Variants in USP6NL observed in about 807,000 individuals in gnomAD.
The protein encoded by USP6NL is USP6 N-terminal like.
USP6NL carries 26 observed loss-of-function variants against 61.9 expected under a neutral mutation model. The observed-to-expected ratio is 0.42, with a 90% CI of 0.31 to 0.58. The LOEUF is 0.58. Ranked by LOEUF, USP6NL falls within the 20% of genes least tolerant of loss-of-function variation. The probability of loss-of-function intolerance (pLI) is 0.16; values close to 1 mark genes in which losing one functional copy is unlikely to be tolerated. For synonymous variants in USP6NL, 432 were observed against 390.1 expected (o/e 1.11, Z -1.27); for missense variants, 1,114 against 1,034.3 (o/e 1.08, Z -1.06).
chr10:11,475,994 A>G (rs1346375780), intron 14 of USP6NL, among the ~76,000 whole-genome samples: 1 of 152,144 alleles, frequency 6.6e-6, no homozygotes, highest in Non-Finnish European at 1.5e-5. Context: ...ACAACTCCTG[A>G]GTGTGCGACA....
rs1832900145 is a variant in USP6NL, at chr10:11,474,852, G to A, written c.1078+6918C>T. On this transcript the variant is annotated intron_variant, in intron 14 of 14. Transcript: ENST00000609104. This position sits in a 1 kb window ranked among gnomAD's most constrained non-coding sequence, Gnocchi z 4.9. ...ATTACTACTATGTGACTCAAAAGCG[G>A]CCGGGGAGGTGGGATGTGAAGTGTG... Among the ~76,000 whole-genome samples the A allele has an allele frequency of 6.6e-6, 1 of 152,148 alleles. No individual in the cohort carries two copies. Among genetic ancestry groups the A allele is most frequent in the South Asian group, 2.1e-4 (1 of 4,828 alleles).
chr10:11,533,422 G>A (rs1003484838), intron 2 of USP6NL, among the ~76,000 whole-genome samples: 1 of 152,194 alleles, frequency 6.6e-6, no homozygotes, highest in Non-Finnish European at 1.5e-5. Context: ...CCTCATAATT[G>A]CAAAAGTGAT....
chr10:11,594,045 T>C (rs1177863944), intron 2 of USP6NL, among the ~76,000 whole-genome samples: 1 of 152,228 alleles, frequency 6.6e-6, no homozygotes, highest in Non-Finnish European at 1.5e-5. Context: ...TTGGAAATTC[T>C]ATCTAAACTT....
At position 11,462,884 on chromosome 10, in the gene USP6NL, C is replaced by G. The variant is rs765638465; in HGVS notation, c.2044G>C (p.Glu682Gln). The change falls in exon 15 of 15, where the codon GAG (glutamate) becomes CAG (glutamine). Residue 682 changes from glutamate (E) to glutamine (Q), a missense_variant. Coordinates refer to ENST00000609104, the MANE Select transcript of USP6NL (RefSeq NM_014688.5). Reference protein sequence around the residue: ...GSTLSVSASPEKSYSRPSPLV... With the variant: ...GSTLSVSASPQKSYSRPSPLV... ...GGGCTTGGGCGGCTGTAAGATTTCT[C>G]CGGAGAAGCACTGACGGAAAGAGTA... 27 of 1,613,594 alleles carry G rather than the reference C, an allele frequency of 1.7e-5. No individual in the cohort carries two copies. Among genetic ancestry groups the G allele is most frequent in the South Asian group, 1.5e-4 (14 of 91,060 alleles).
intron 1 of USP6NL, among the ~76,000 whole-genome samples, chr10:11,609,277 G>C (rs1039391403): frequency 3.3e-5 from 5 of 152,118 alleles, no homozygotes; most frequent in Admixed American, 6.5e-5. Flanking sequence ...ATGTTAGCCA[G>C]GCTGGTCTTG....
intron 8 of USP6NL, 87 bp downstream of exon 8, chr10:11,493,032 T>C (rs1415554629): frequency 3.4e-6 from 4 of 1,173,444 alleles, no homozygotes; most frequent in Non-Finnish European, 4.8e-6. Flanking sequence ...AAATCGAAAT[T>C]ACAGTCTATA....
intron 2 of USP6NL, among the ~76,000 whole-genome samples, chr10:11,558,722 T>G (rs926262067): frequency 2.0e-5 from 3 of 152,228 alleles, no homozygotes; most frequent in Admixed American, 1.3e-4. Context: ...TTAATCCTAA[T>G]GAAATTTAAA....
rs1430115634 is a variant in USP6NL, at chr10:11,587,917, T to C, written c.4+9714A>G. ...TAAATCCTGTACTTATGCAAGAGAT[T>C]TGAATCCTATTTCAATTCAAGTAGA... is the stretch of plus-strand genomic sequence containing the variant. On this transcript the variant is annotated intron_variant, in intron 2 of 14. Coordinates refer to ENST00000609104, the MANE Select transcript of USP6NL (RefSeq NM_014688.5). The surrounding 1 kb of genome is among the most constrained non-coding windows in gnomAD (Gnocchi z 4.5). Among the ~76,000 whole-genome samples, 2 of 152,250 alleles carry C rather than the reference T, an allele frequency of 1.3e-5. No individual in the cohort carries two copies. The highest frequency in any genetic ancestry group is 2.9e-5 in the Non-Finnish European group (2 of 68,044).
intron 6 of USP6NL, among the ~76,000 whole-genome samples, chr10:11,506,113 A>G (rs187409216): frequency 2.4e-4 from 37 of 152,342 alleles, no homozygotes; most frequent in African/African-American, 8.9e-4. Context: ...GTTGCTAACA[A>G]GCTGTGTGAC....
At chr10:11,479,296 G>C (rs1833092144) in intron 14 of USP6NL, among the ~76,000 whole-genome samples, 1 of 152,008 alleles carries the variant, frequency 6.6e-6, no homozygotes, top group Non-Finnish European at 1.5e-5. Context: ...TGTATGAACA[G>C]ACCAATAGAA....
chr10:11,563,352 T>C (rs1199578175), intron 2 of USP6NL: 1 of 152,044 alleles, frequency 6.6e-6, no homozygotes, highest in Non-Finnish European at 1.5e-5. Context: ...TCTGTAACCT[T>C]GGTTCTGATG....
At position 11,465,851 on chromosome 10, in the gene USP6NL, G is replaced by C. The variant is rs1177226884; in HGVS notation, c.1079-2002C>G. On this transcript the variant is annotated intron_variant, in intron 14 of 14. Coordinates refer to ENST00000609104, the MANE Select transcript of USP6NL (RefSeq NM_014688.5). This position sits in a 1 kb window ranked among gnomAD's most constrained non-coding sequence, Gnocchi z 4.5. ...CTGGATTGTTTTAAATAAATTTTAGGGACTGCCTTTTTCTGTTAGCAAAAA... is the reference window on the plus strand; with the variant it reads ...CTGGATTGTTTTAAATAAATTTTAGCGACTGCCTTTTTCTGTTAGCAAAAA... 6.6e-6 allele frequency among the ~76,000 whole-genome samples: 1 copy of C among 151,984 alleles called. No homozygotes were observed.
intron 14 of USP6NL, among the ~76,000 whole-genome samples, chr10:11,469,425 A>C (rs1287315546): frequency 6.6e-6 from 1 of 152,230 alleles, no homozygotes; most frequent in Non-Finnish European, 1.5e-5. Flanking sequence ...TATTGCTAAG[A>C]AATTAGATGT....
At chr10:11,479,840 G>A (rs1833126450) in intron 14 of USP6NL, among the ~76,000 whole-genome samples, 1 of 152,156 alleles carries the variant, frequency 6.6e-6, no homozygotes, top group South Asian at 2.1e-4. Context: ...CTCCTGAAGT[G>A]CTGGGATTAC....
rs920401987 is a variant in USP6NL at position 11,553,790 on chromosome 10, C to A, written c.5-26223G>T. 6.6e-6 allele frequency among the ~76,000 whole-genome samples: 1 copy of A among 151,248 alleles called. No individual in the cohort carries two copies. Among genetic ancestry groups the A allele is most frequent in the African/African-American group, 2.4e-5 (1 of 41,086 alleles). On this transcript the variant is annotated intron_variant, in intron 2 of 14. Coordinates refer to ENST00000609104, the MANE Select transcript of USP6NL (RefSeq NM_014688.5). The surrounding 1 kb of genome is among the most constrained non-coding windows in gnomAD (Gnocchi z 4.8). ...GGGCGCCTGTAATCCCAACTACTCG[C>A]GAGGCTCAGGCAAGAGAACTGCTTG...
At chr10:11,563,199 C>CATTTA (rs1460015257) in intron 2 of USP6NL, 1 of 151,950 alleles carries the variant, frequency 6.6e-6, no homozygotes, top group African/African-American at 2.4e-5. Flanking sequence ...TATATGATTC[C>CATTTA]ATTTATATAG....
At position 11,518,476 on chromosome 10, in the gene USP6NL, T is replaced by C. The variant is rs1285368225; in HGVS notation, c.195+59A>G. On this transcript the variant is annotated intron_variant, in intron 5 of 14. Coordinates refer to ENST00000609104, the MANE Select transcript of USP6NL (RefSeq NM_014688.5). The surrounding 1 kb of genome is among the most constrained non-coding windows in gnomAD (Gnocchi z 5.3). ...TTAAAATCACAAAGGTGGTCAATTT[T>C]ATTCTTCTAATAAAGGCAATTCACC... The C allele has an allele frequency of 3.4e-6, 5 of 1,470,974 alleles. No homozygotes were observed. Among genetic ancestry groups the C allele is most frequent in the Non-Finnish European group, 4.7e-6 (5 of 1,054,542 alleles). 91.1% of individuals were successfully genotyped at this position (1,470,974 alleles called of 1,614,324 possible). A position where few individuals can be genotyped will look rare whatever the true frequency, so the allele number is the denominator to read the frequency against.
At chr10:11,556,627 G>A (rs938422664) in intron 2 of USP6NL, among the ~76,000 whole-genome samples, 2 of 152,064 alleles carry the variant, frequency 1.3e-5, no homozygotes, top group Non-Finnish European at 2.9e-5. Context: ...TGATAACACT[G>A]TACTTATCTC....
intron 7 of USP6NL, among the ~76,000 whole-genome samples, chr10:11,500,421 C>A (rs1834132092): frequency 6.6e-6 from 1 of 151,436 alleles, no homozygotes; most frequent in African/African-American, 2.4e-5. Context: ...TTCTAAGGAA[C>A]ATATTTCAAA....
Sources: gnomAD v4.1 joint callset for allele counts (sites outside exome capture counted in the v4.1 genomes callset) on GRCh38, gnomAD v4.1.1 for gene constraint, Gnocchi (gnomAD v3.1) non-coding constraint, MANE v1.5 for transcripts, NCBI Gene and HGNC (gene_info 2026-07-23, HGNC 2026-07-21) for gene names.